Variants in MFAP5 observed in about 807,000 individuals in gnomAD.
The protein encoded by MFAP5 is microfibril associated protein 5.
In MFAP5, 19 loss-of-function variants were observed where a neutral mutation model predicts 30.1. That is an observed-to-expected ratio of 0.63 (90% CI 0.44 to 0.93). The LOEUF (loss-of-function observed/expected upper bound fraction) is 0.93, where lower values mean the gene tolerates loss of function less well. Among genes scored for constraint, MFAP5 ranks in the 40% least tolerant of loss-of-function variants. The pLI, the probability that MFAP5 is intolerant of heterozygous loss-of-function variation, is 0.00. For synonymous variants in MFAP5, 92 were observed against 72.9 expected (o/e 1.26, Z -1.33); for missense variants, 210 against 221.3 (o/e 0.95, Z 0.32).
intron 9 of MFAP5, 23 bp from the exon 10 acceptor site, chr12:8,648,226 T>A: frequency 5.1e-6 from 8 of 1,569,524 alleles, no homozygotes; most frequent in Non-Finnish European, 7.0e-6. Context: ...CAGAACATCA[T>A]GGGAAGAGAA....
rs1011440724 is a variant in MFAP5 at position 8,646,324 on chromosome 12, G to A, written c.*1767C>T. 6.6e-6 allele frequency: 1 copy of A among 152,076 alleles called. No individual in the cohort carries two copies. Among genetic ancestry groups the A allele is most frequent in the African/African-American group, 2.4e-5 (1 of 41,414 alleles). The allele number at this position is 152,076 out of a possible 1,614,324, so 9.4% of individuals were successfully genotyped here. A position where few individuals can be genotyped will look rare whatever the true frequency, so the allele number is the denominator to read the frequency against. ...TCTGATCATTTAACTAGTTTTCTCA[G>A]CAATATAAAAGGAATACAACCTCCA... On this transcript the variant is annotated 3_prime_UTR_variant, in exon 10 of 10. Transcript: ENST00000359478.
intron 3 of MFAP5, among the ~76,000 whole-genome samples, chr12:8,657,593 G>C (rs145264593): frequency 0.012 from 1,559 of 134,032 alleles, 27 homozygotes; most frequent in African/African-American, 0.042. Flanking sequence ...TTTTTGAGAC[G>C]GAGTCTCGCC....
In MFAP5 at chr12:8,649,491, A is replaced by G; in HGVS notation, c.409+10T>C. 6.2e-7 allele frequency: 1 copy of G among 1,612,182 alleles called. No homozygotes were observed. Among genetic ancestry groups the G allele is most frequent in the Non-Finnish European group, 8.5e-7 (1 of 1,178,404 alleles). On this transcript the variant is annotated intron_variant, in intron 9 of 9. Transcript: ENST00000359478. ...GCTTCTCTCCATTAAACATCCAGAC[A>G]TCATCTTACCTTTCATAGCTTCGTG...
At chr12:8,658,838 T>G (rs1364537090) in intron 3 of MFAP5, among the ~76,000 whole-genome samples, 1 of 152,028 alleles carries the variant, frequency 6.6e-6, no homozygotes, top group South Asian at 2.1e-4. Context: ...TTTCTTTTCC[T>G]TTTCTTTTTT....
intron 4 of MFAP5, 58 bp downstream of exon 4, chr12:8,655,728 T>G: frequency 6.4e-7 from 1 of 1,562,112 alleles, no homozygotes; most frequent in Non-Finnish European, 8.7e-7. Flanking sequence ...GTAGACATGA[T>G]CCTTTATCTA....
chr12:8,655,844 T>C lies in MFAP5; in HGVS notation c.95-14A>G. On this transcript the variant is annotated splice_polypyrimidine_tract_variant and intron_variant, in intron 3 of 9. Transcript: ENST00000359478. The stretch of plus-strand genomic sequence containing the variant: ...GAGTCACATCGTCTGAAAAGAAAAT[T>C]AGAAAACAATTTCTGAGATTCTCTG... 6.2e-7 allele frequency: 1 copy of C among 1,607,542 alleles called. No individual in the cohort carries two copies. The highest frequency in any genetic ancestry group is 8.5e-7 in the Non-Finnish European group (1 of 1,176,122).
At chr12:8,649,012 A>C (rs1777861851) in intron 9 of MFAP5, among the ~76,000 whole-genome samples, 1 of 152,236 alleles carries the variant, frequency 6.6e-6, no homozygotes, top group South Asian at 2.1e-4. Context: ...GGAATTGGTG[A>C]ACTATTTATA....
In MFAP5 at chr12:8,655,858, T is replaced by C. The variant is rs774591271; in HGVS notation, c.95-28A>G. 5.0e-6 allele frequency: 8 copies of C among 1,591,434 alleles called. No individual in the cohort carries two copies. In the Admixed American group the frequency reaches 1.0e-4, roughly 20 times the overall value. On this transcript the variant is annotated intron_variant, in intron 3 of 9. Coordinates refer to ENST00000359478, the MANE Select transcript of MFAP5 (RefSeq NM_003480.4). ...GAAAAGAAAATTAGAAAACAATTTC[T>C]GAGATTCTCTGTCTCCCTGCCACCC...
intron 2 of MFAP5, among the ~76,000 whole-genome samples, chr12:8,661,137 A>G (rs996368010): frequency 6.6e-6 from 1 of 152,158 alleles, no homozygotes; most frequent in Non-Finnish European, 1.5e-5. Context: ...GGTAAAAAGA[A>G]AAAAAAGACA....
chr12:8,650,026 C>G, intron 8 of MFAP5, among the ~76,000 whole-genome samples: 1 of 152,134 alleles, frequency 6.6e-6, no homozygotes, highest in East Asian at 1.9e-4. Flanking sequence ...CGAGAACATA[C>G]AATATTTGGT....
At chr12:8,649,725 A>G in intron 8 of MFAP5, 151 bp from the exon 9 acceptor site, 1 of 626,278 alleles carries the variant, frequency 1.6e-6, no homozygotes, top group Non-Finnish European at 2.8e-6. Flanking sequence ...AGTATTTCAG[A>G]CTTTTGCCCC....
chr12:8,660,949 C>T lies in MFAP5; in HGVS notation c.59-51G>A, dbSNP rs150351081. ...TGTGAGTGACTGCAGCTCTATACCT[C>T]GTAACCCTTTTATGAGACAAATCAG... On this transcript the variant is annotated intron_variant, in intron 2 of 9. Transcript: ENST00000359478. 6.4e-5 allele frequency: 95 copies of T among 1,479,130 alleles called. 1 individual carries two copies. The East Asian group carries it at 1.9e-3, about 30-fold the overall frequency. 91.6% of individuals were successfully genotyped at this position (1,479,130 alleles called of 1,614,324 possible).
intron 2 of MFAP5, among the ~76,000 whole-genome samples, chr12:8,661,755 A>G (rs765593181): frequency 5.3e-5 from 8 of 151,970 alleles, no homozygotes. Context: ...TTGCTTTGCA[A>G]TTTGTTTACT....
rs1168287873 is a variant in MFAP5, at chr12:8,646,632, A to T, written c.*1459T>A. ...AAATCTTAGAACTAAGAATATATAT[A>T]ATATATATATATATTTCTTAAGATG... On this transcript the variant is annotated 3_prime_UTR_variant, in exon 10 of 10. Coordinates refer to ENST00000359478, the MANE Select transcript of MFAP5 (RefSeq NM_003480.4). 2 of 150,400 alleles carry T rather than the reference A, an allele frequency of 1.3e-5. No homozygotes were observed. The highest frequency in any genetic ancestry group is 3.0e-5 in the Non-Finnish European group (2 of 67,630). The allele number at this position is 150,400 out of a possible 1,614,324, so 9.3% of individuals were successfully genotyped here.
chr12:8,650,444 TATC>T (rs1335756019), intron 8 of MFAP5, 55 bp downstream of exon 8: 2 of 1,546,288 alleles, frequency 1.3e-6, no homozygotes, highest in African/African-American at 2.7e-5. Context: ...ATTAAATAGT[TATC>T]AACACAGAAA....
rs150874917 is a variant in MFAP5 at position 8,650,567 on chromosome 12, G to C, written c.270C>G (p.Thr90=). 6.2e-7 allele frequency: 1 copy of C among 1,613,926 alleles called. No homozygotes were observed. The highest frequency in any genetic ancestry group is 1.3e-5 in the African/African-American group (1 of 74,928). The part of the protein sequence containing the change: ...TTAECWDEKF[T]CTRLYSVHRP... The stretch of plus-strand genomic sequence containing the variant: ...GATGCACAGAGTAGAGCCTTGTGCA[G>C]GTAAATTTCTCATCCCAGCACTCTG... Residue 90 remains threonine, a synonymous_variant, in exon 8 of 10, where the codon ACC becomes ACG. Coordinates refer to ENST00000359478, the MANE Select transcript of MFAP5 (RefSeq NM_003480.4).
chr12:8,662,111 AG>A lies in MFAP5; in HGVS notation c.-2-6del, dbSNP rs1368566123. 6.8e-6 allele frequency: 11 copies of A among 1,612,980 alleles called. No individual in the cohort carries two copies. The highest frequency in any genetic ancestry group is 2.2e-5 in the East Asian group (1 of 44,890). ...TGGGTCCCAAGAGCGACATATCTAT[AG>A]GGGTGGTGGGCATAGCAGAGAATGT... is the stretch of plus-strand genomic sequence containing the variant. On this transcript the variant is annotated splice_polypyrimidine_tract_variant and splice_region_variant and intron_variant, in intron 1 of 9. Coordinates refer to ENST00000359478, the MANE Select transcript of MFAP5 (RefSeq NM_003480.4).
intron 8 of MFAP5, among the ~76,000 whole-genome samples, chr12:8,650,104 AT>A (rs1055668052): frequency 2.4e-4 from 36 of 152,184 alleles, no homozygotes; most frequent in Non-Finnish European, 1.3e-4. Context: ...TGCAAAGGCC[AT>A]TGTTTTAGTT....
At chr12:8,653,285 C>T (rs1184773336) in intron 6 of MFAP5, among the ~76,000 whole-genome samples, 1 of 152,072 alleles carries the variant, frequency 6.6e-6, no homozygotes, top group African/African-American at 2.4e-5. Context: ...CTCCCTATCT[C>T]TACCTTGATT....
Sources: gnomAD v4.1 joint callset for allele counts (sites outside exome capture counted in the v4.1 genomes callset) on GRCh38, gnomAD v4.1.1 for gene constraint, MANE v1.5 for transcripts, NCBI Gene and HGNC (gene_info 2026-07-23, HGNC 2026-07-21) for gene names.